SHTN1: variants seen among roughly 807,000 people sequenced by gnomAD.
The protein encoded by SHTN1 is shootin-1.
In SHTN1, 42 loss-of-function variants were observed where a neutral mutation model predicts 83.1. The ratio of observed to expected loss-of-function variants is 0.51; its 90% confidence interval spans 0.39 to 0.65. The LOEUF (loss-of-function observed/expected upper bound fraction) is 0.65. Among genes scored for constraint, SHTN1 ranks in the 30% least tolerant of loss-of-function variants. The pLI is 0.00. For missense variants in SHTN1, 622 were observed against 737.8 expected (o/e 0.84, Z 1.82); for synonymous variants, 224 against 247.7 (o/e 0.90, Z 0.90).
intron 2 of SHTN1, among the ~76,000 whole-genome samples, chr10:117,047,758 C>A (rs1228183624): frequency 1.8e-4 from 25 of 138,252 alleles, no homozygotes; most frequent in South Asian, 2.3e-4. Context: ...ACATAAAGAC[C>A]AAAAAAAAAA....
intron 16 of SHTN1, among the ~76,000 whole-genome samples, chr10:116,887,337 G>A (rs1847197165): frequency 6.6e-6 from 1 of 152,170 alleles, no homozygotes; most frequent in Non-Finnish European, 1.5e-5. Context: ...AGATATCTCT[G>A]AAACACCCGA....
intron 1 of SHTN1, among the ~76,000 whole-genome samples, chr10:116,997,226 C>T (rs1393042012): frequency 6.6e-6 from 1 of 152,220 alleles, no homozygotes; most frequent in East Asian, 1.9e-4. Flanking sequence ...CCACATTCTC[C>T]TGCCTTTGGA....
At chr10:116,891,448 C>A (rs1198065055) in intron 16 of SHTN1, among the ~76,000 whole-genome samples, 1 of 152,178 alleles carries the variant, frequency 6.6e-6, no homozygotes, top group Admixed American at 6.5e-5. Context: ...GGTCTGAACT[C>A]TGTTTCATTT....
At chr10:117,000,608 C>A (rs1384402586) in intron 1 of SHTN1, among the ~76,000 whole-genome samples, 1 of 152,132 alleles carries the variant, frequency 6.6e-6, no homozygotes, top group African/African-American at 2.4e-5. Context: ...TTCAAAATTT[C>A]ATCAACTTGG....
At chr10:116,969,536 G>C (rs961615407) in intron 2 of SHTN1, among the ~76,000 whole-genome samples, 1 of 152,208 alleles carries the variant, frequency 6.6e-6, no homozygotes, top group Non-Finnish European at 1.5e-5. Context: ...ATTCGGAATA[G>C]AGGAAGGTAC....
At chr10:117,102,571 C>T (rs1853610875) in intron 1 of SHTN1, among the ~76,000 whole-genome samples, 1 of 151,996 alleles carries the variant, frequency 6.6e-6, no homozygotes, top group African/African-American at 2.4e-5. Context: ...TGTTTTCTTG[C>T]TTTTTTCCCC....
intron 16 of SHTN1, among the ~76,000 whole-genome samples, chr10:116,897,911 C>T (rs1345350147): frequency 3.9e-5 from 6 of 152,180 alleles, no homozygotes; most frequent in Admixed American, 6.5e-5. Context: ...CTCCCCCTCC[C>T]GTCTACAGGC....
intron 2 of SHTN1, among the ~76,000 whole-genome samples, chr10:117,013,686 G>T (rs997284643): frequency 6.6e-6 from 1 of 152,154 alleles, no homozygotes; most frequent in Non-Finnish European, 1.5e-5. Context: ...TGGTACAGCC[G>T]CTTTGAAAGA....
chr10:116,911,563 GA>G (rs1257593705), intron 14 of SHTN1: 1 of 1,550,700 alleles, frequency 6.4e-7, no homozygotes, highest in Non-Finnish European at 8.7e-7. Context: ...TGACTTTGGT[GA>G]AAGTGTAACC....
In SHTN1 at chr10:116,932,400, C is replaced by T. The variant is rs535682727; in HGVS notation, c.859-2398G>A. 3.9e-5 allele frequency among the ~76,000 whole-genome samples: 6 copies of T among 152,214 alleles called. 1 individual carries two copies. The highest frequency in any genetic ancestry group is 2.1e-4 in the South Asian group (1 of 4,824). On this transcript the variant is annotated intron_variant, in intron 9 of 16. Transcript: ENST00000355371. ...GCACACGCGAGGGATCCAGGTTGGCCGCTCTTTATGATAATCTAATGCCTG... is the reference window on the plus strand; with the variant it reads ...GCACACGCGAGGGATCCAGGTTGGCTGCTCTTTATGATAATCTAATGCCTG...
At chr10:116,888,988 G>A (rs760910782) in intron 16 of SHTN1, among the ~76,000 whole-genome samples, 3 of 152,224 alleles carry the variant, frequency 2.0e-5, no homozygotes, top group African/African-American at 2.4e-5. Context: ...TCACCATCTT[G>A]GGCCTGGGCC....
intron 3 of SHTN1, among the ~76,000 whole-genome samples, chr10:116,967,962 T>C (rs1383235120): frequency 2.0e-5 from 3 of 152,104 alleles, no homozygotes; most frequent in Non-Finnish European, 2.9e-5. Flanking sequence ...GGCAGGAGGA[T>C]CACGAGGTCA....
At chr10:116,928,871 G>T (rs574928123) in intron 10 of SHTN1, among the ~76,000 whole-genome samples, 5 of 152,090 alleles carry the variant, frequency 3.3e-5, no homozygotes, top group Non-Finnish European at 7.4e-5. Context: ...ATAGGGCTGG[G>T]TACACACACA....
At chr10:116,996,102 A>C (rs975236435) in intron 1 of SHTN1, among the ~76,000 whole-genome samples, 1 of 152,206 alleles carries the variant, frequency 6.6e-6, no homozygotes, top group African/African-American at 2.4e-5. Flanking sequence ...AATAGACAAA[A>C]ACTTATTTTA....
chr10:116,903,606 C>T (rs531359389), intron 15 of SHTN1, among the ~76,000 whole-genome samples: 1 of 152,030 alleles, frequency 6.6e-6, no homozygotes, highest in African/African-American at 2.4e-5. Context: ...GACAGAAGGG[C>T]AGAACAGAAA....
At chr10:117,070,255 A>ATG (rs560096375) in intron 1 of SHTN1, among the ~76,000 whole-genome samples, 159 of 151,404 alleles carry the variant, frequency 1.1e-3, no homozygotes, top group Middle Eastern at 3.4e-3. Context: ...TTCTATTCTT[A>ATG]TGTGTGTGTG....
At chr10:116,978,609 T>TA (rs1850897271) in intron 2 of SHTN1, among the ~76,000 whole-genome samples, 1 of 151,106 alleles carries the variant, frequency 6.6e-6, no homozygotes, top group South Asian at 2.1e-4. Flanking sequence ...TATATATATA[T>TA]TATTAGCTAT....
At chr10:117,018,604 C>A (rs1249385828) in intron 2 of SHTN1, among the ~76,000 whole-genome samples, 3 of 133,832 alleles carry the variant, frequency 2.2e-5, no homozygotes, top group Non-Finnish European at 4.5e-5. Flanking sequence ...TGGAGTCTTG[C>A]TCTGCTACCC....
At chr10:117,041,657 T>C (rs1190713172) in intron 2 of SHTN1, among the ~76,000 whole-genome samples, 1 of 152,202 alleles carries the variant, frequency 6.6e-6, no homozygotes, top group Non-Finnish European at 1.5e-5. Context: ...TAGGTGAACG[T>C]GTAACTTTCC....
Sources: allele counts gnomAD v4.1 joint callset (sites outside exome capture counted in the v4.1 genomes callset), GRCh38; gene constraint gnomAD v4.1.1; transcripts MANE v1.5; gene names NCBI Gene and HGNC (gene_info 2026-07-23, HGNC 2026-07-21).